The following KCTD7 variants were observed in gnomAD, a reference collection of about 807,000 sequenced individuals.
The protein encoded by KCTD7 is BTB/POZ domain-containing protein KCTD7.
Under a neutral mutation model 27.0 loss-of-function variants are expected in KCTD7, and 15 were observed. The ratio of observed to expected loss-of-function variants is 0.56; its 90% CI spans 0.37 to 0.86. The LOEUF is 0.86. Among genes scored for constraint, KCTD7 ranks in the 40% least tolerant of loss-of-function variants. KCTD7 has a pLI of 0.00. For synonymous variants in KCTD7, 159 were observed against 162.7 expected (o/e 0.98, Z 0.17); for missense variants, 299 against 398.9 (o/e 0.75, Z 2.13).
At position 66,641,827 on chromosome 7, in the gene KCTD7, C is replaced by T; in HGVS notation, c.*2595C>T. ...AACGGCCTCCAGATAAAGGGGTTAT[C>T]CCTGTGGAAGTGACTTTTCCCCATT... On this transcript the variant is annotated 3_prime_UTR_variant, in exon 4 of 4. Coordinates refer to ENST00000639828, the MANE Select transcript of KCTD7 (RefSeq NM_153033.5). 1 of 985,450 alleles carries T rather than the reference C, an allele frequency of 1.0e-6. No individual in the cohort carries two copies. The highest frequency in any genetic ancestry group is 4.7e-5 in the South Asian group (1 of 21,286). 61.0% of individuals were successfully genotyped at this position (985,450 alleles called of 1,614,324 possible). A position where few individuals can be genotyped will look rare whatever the true frequency, so the allele number is the denominator to read the frequency against.
chr7:66,637,081 G>T (rs1399665048), intron 2 of KCTD7, among the ~76,000 whole-genome samples: 1 of 152,112 alleles, frequency 6.6e-6, no homozygotes, highest in Non-Finnish European at 1.5e-5. Flanking sequence ...TCCACTAAAG[G>T]TTTCTTTTGT....
At chr7:66,638,218 C>T (rs747057275) in intron 2 of KCTD7, 35 bp from the exon 3 acceptor site, 4 of 1,612,638 alleles carry the variant, frequency 2.5e-6, no homozygotes, top group Non-Finnish European at 2.5e-6. Context: ...GGAGCATAAG[C>T]TCCTTGTCAC....
At position 66,638,928 on chromosome 7, in the gene KCTD7, A is replaced by G. The variant is rs777890772; in HGVS notation, c.566A>G (p.Lys189Arg). 6.2e-7 allele frequency: 1 copy of G among 1,614,138 alleles called. No individual in the cohort carries two copies. The highest frequency in any genetic ancestry group is 8.5e-7 in the Non-Finnish European group (1 of 1,180,018). The change falls in exon 4 of 4, where the codon AAG (lysine) becomes AGG (arginine). Residue 189 changes from lysine (K) to arginine (R), a missense_variant. By Grantham distance (26) the Lys-to-Arg change is conservative (BLOSUM62 2). Transcript: ENST00000639828. ...CGGAAGGCCCGCTTTGCCAAGCTCA[A>G]GGTCTGTGTCTTCAAGGAGGAGATG... ...VQRKARFAKL[K>R]VCVFKEEMPI...
At chr7:66,629,928 A>T (rs1341486531) in intron 1 of KCTD7, among the ~76,000 whole-genome samples, 1 of 152,130 alleles carries the variant, frequency 6.6e-6, no homozygotes, top group African/African-American at 2.4e-5. Context: ...CACGGGTCTT[A>T]CTTAATGTGT....
chr7:66,632,063 T>G (rs1440604383), intron 1 of KCTD7, among the ~76,000 whole-genome samples: 3 of 152,216 alleles, frequency 2.0e-5, no homozygotes, highest in African/African-American at 7.2e-5. Context: ...GAATGTGTCA[T>G]TAACTCTGTC....
chr7:66,634,463 T>C (rs1584396830), intron 2 of KCTD7, among the ~76,000 whole-genome samples: 1 of 151,940 alleles, frequency 6.6e-6, no homozygotes, highest in East Asian at 1.9e-4. Context: ...ATCCTTAAAC[T>C]CCTGGCTCAA....
Position 66,640,293 on chromosome 7 carries a change from G to A in KCTD7, c.*1061G>A. On this transcript the variant is annotated 3_prime_UTR_variant, in exon 4 of 4. Transcript: ENST00000639828. ...CGTAGGAAGACAAAACTTCCCTTTTGTTTTACTCCTCACTCCTCTATTTTT... is the reference window on the plus strand; with the variant it reads ...CGTAGGAAGACAAAACTTCCCTTTTATTTTACTCCTCACTCCTCTATTTTT... 6.6e-7 allele frequency: 1 copy of A among 1,524,202 alleles called. No individual in the cohort carries two copies. 94.4% of individuals were successfully genotyped at this position (1,524,202 alleles called of 1,614,324 possible). A position where few individuals can be genotyped will look rare whatever the true frequency, so the allele number is the denominator to read the frequency against.
chr7:66,642,918 TC>T lies in KCTD7; in HGVS notation c.*3688del. The T allele has an allele frequency of 2.0e-6, 2 of 985,418 alleles. No individual in the cohort carries two copies. The highest frequency in any genetic ancestry group is 2.4e-6 in the Non-Finnish European group (2 of 829,976). 61.0% of individuals were successfully genotyped at this position (985,418 alleles called of 1,614,324 possible). A position where few individuals can be genotyped will look rare whatever the true frequency, so the allele number is the denominator to read the frequency against. On this transcript the variant is annotated 3_prime_UTR_variant, in exon 4 of 4. Transcript: ENST00000639828. ...GGGAGGTCACCTGGGTCCGTCGTCTTCCTTCTGTATGGTGTTGGGTTTATGT... is the reference window on the plus strand; with the variant it reads ...GGGAGGTCACCTGGGTCCGTCGTCTTCTTCTGTATGGTGTTGGGTTTATGT...
At chr7:66,643,175 C>T (rs1786758698), downstream of KCTD7, 1 of 982,988 alleles carries the variant, frequency 1.0e-6, no homozygotes. Flanking sequence ...CACAACAAGA[C>T]AGGCTTTTCC....
rs1284035670 is a variant in KCTD7, at chr7:66,638,304, TC to T, written c.367del (p.Arg123GlufsTer25). On this transcript the variant is annotated frameshift_variant, in exon 3 of 4. Coordinates refer to ENST00000639828, the MANE Select transcript of KCTD7 (RefSeq NM_153033.5). LOFTEE classifies it high-confidence loss of function. ...GGGACCTCCCACCCAGGGAGCGTGT[TC>T]GAGCTGTGTACAAAGAGGCCCAGTA... ...SGDLPPRERVRAVYKEAQYYA... is the reference protein window; with the variant it reads ...SGDLPPRERVXAVYKEAQYYA... The T allele has an allele frequency of 6.2e-7, 1 of 1,614,222 alleles. No individual in the cohort carries two copies. Among genetic ancestry groups the T allele is most frequent in the Admixed American group, 1.7e-5 (1 of 60,012 alleles).
chr7:66,638,458 G>C, intron 3 of KCTD7, 27 bp downstream of exon 3: 1 of 1,611,046 alleles, frequency 6.2e-7, no homozygotes. Flanking sequence ...CAGGATGGTG[G>C]GTATGTGGGA....
Position 66,640,058 on chromosome 7 carries a change from T to C in KCTD7, c.*826T>C. 2.4e-6 allele frequency: 3 copies of C among 1,264,964 alleles called. No individual in the cohort carries two copies. The highest frequency in any genetic ancestry group is 3.0e-6 in the Non-Finnish European group (3 of 1,009,116). The allele number at this position is 1,264,964 out of a possible 1,614,324, so 78.4% of individuals were successfully genotyped here. A position where few individuals can be genotyped will look rare whatever the true frequency, so the allele number is the denominator to read the frequency against. The stretch of plus-strand genomic sequence containing the variant: ...AGATGCCTAGATCTTCTGTTATCTT[T>C]GACATGTAACATCCTTTTTAGAGGC... On this transcript the variant is annotated 3_prime_UTR_variant, in exon 4 of 4. Coordinates refer to ENST00000639828, the MANE Select transcript of KCTD7 (RefSeq NM_153033.5).
chr7:66,632,896 A>ATG (rs966384257), intron 1 of KCTD7, among the ~76,000 whole-genome samples: 12 of 150,996 alleles, frequency 7.9e-5, no homozygotes, highest in African/African-American at 2.9e-4. Flanking sequence ...ATATATATAT[A>ATG]TATACAAAAA....
chr7:66,634,791 A>G (rs1318104361), intron 2 of KCTD7, among the ~76,000 whole-genome samples: 8 of 152,068 alleles, frequency 5.3e-5, no homozygotes, highest in Non-Finnish European at 1.5e-5. Flanking sequence ...AGTCTTTAAA[A>G]AAAAAAAAAC....
At position 66,641,142 on chromosome 7, in the gene KCTD7, T is replaced by G. The variant is rs1414967568; in HGVS notation, c.*1910T>G. 3.0e-6 allele frequency: 3 copies of G among 985,310 alleles called. No homozygotes were observed. Among genetic ancestry groups the G allele is most frequent in the African/African-American group, 1.7e-5 (1 of 57,232 alleles). The allele number at this position is 985,310 out of a possible 1,614,324, so 61.0% of individuals were successfully genotyped here. ...GTCATTCACGTTCTGAGATATGCGC[T>G]CTCTCTATTGTTCTCGTACACAAAG... is the stretch of plus-strand genomic sequence containing the variant. On this transcript the variant is annotated 3_prime_UTR_variant, in exon 4 of 4. Transcript: ENST00000639828.
intron 2 of KCTD7, among the ~76,000 whole-genome samples, chr7:66,634,777 G>A (rs1275593078): frequency 6.7e-6 from 1 of 150,296 alleles, no homozygotes; most frequent in African/African-American, 2.4e-5. Context: ...ATTTTGCCAA[G>A]GAAAGTCTTT....
At chr7:66,631,860 G>A (rs77241642) in intron 1 of KCTD7, among the ~76,000 whole-genome samples, 230 of 152,296 alleles carry the variant, frequency 1.5e-3, no homozygotes, top group African/African-American at 5.1e-3. Flanking sequence ...AGGAGTAGAT[G>A]CCTGGAAGTA....
At chr7:66,635,082 A>T (rs1480221124) in intron 2 of KCTD7, among the ~76,000 whole-genome samples, 1 of 150,062 alleles carries the variant, frequency 6.7e-6, no homozygotes, top group African/African-American at 2.5e-5. Flanking sequence ...ATGCAAGCAC[A>T]GCTCACTACA....
In KCTD7 at chr7:66,641,137, T is replaced by C. The variant is rs140852358; in HGVS notation, c.*1905T>C. The C allele has an allele frequency of 6.2e-5, 61 of 985,462 alleles. No individual in the cohort carries two copies. The East Asian group carries it at 3.6e-3, about 59-fold the overall frequency. 61.0% of individuals were successfully genotyped at this position (985,462 alleles called of 1,614,324 possible). On this transcript the variant is annotated 3_prime_UTR_variant, in exon 4 of 4. Coordinates refer to ENST00000639828, the MANE Select transcript of KCTD7 (RefSeq NM_153033.5). ...GGATAGTCATTCACGTTCTGAGATATGCGCTCTCTCTATTGTTCTCGTACA... is the reference window on the plus strand; with the variant it reads ...GGATAGTCATTCACGTTCTGAGATACGCGCTCTCTCTATTGTTCTCGTACA...
Sources: gnomAD v4.1 joint callset for allele counts (sites outside exome capture counted in the v4.1 genomes callset) on GRCh38, gnomAD v4.1.1 for gene constraint, MANE v1.5 for transcripts, NCBI Gene and HGNC (gene_info 2026-07-23, HGNC 2026-07-21) for gene names.